Variants in GRIK2 observed in about 807,000 individuals in gnomAD.
GRIK2 encodes glutamate ionotropic receptor kainate type subunit 2, also known as glutamate receptor ionotropic, kainate 2.
A neutral mutation model predicts 100.3 loss-of-function variants in GRIK2; 32 were observed. The ratio of observed to expected loss-of-function variants is 0.32; its 90% CI spans 0.24 to 0.43. The LOEUF is 0.43. Among genes scored for constraint, GRIK2 ranks in the 20% least tolerant of loss-of-function variants. The probability of loss-of-function intolerance (pLI) is 1.00; values close to 1 mark genes in which losing one functional copy is unlikely to be tolerated. For synonymous variants in GRIK2, 417 were observed against 389.4 expected, an observed-to-expected ratio of 1.07 and a Z score of -0.83; for missense variants, 843 against 1,114.9, an observed-to-expected ratio of 0.76 and a Z score of 3.47.
At chr6:101,853,295 A>G (rs1174191066) in intron 10 of GRIK2, among the ~76,000 whole-genome samples, 1 of 152,228 alleles carries the variant, frequency 6.6e-6, no homozygotes, top group Non-Finnish European at 1.5e-5. Flanking sequence ...ATGTCAAATG[A>G]AAATAGTCCC....
chr6:101,593,666 A>G (rs901944075), intron 2 of GRIK2, among the ~76,000 whole-genome samples: 4 of 151,886 alleles, frequency 2.6e-5, no homozygotes, highest in African/African-American at 7.2e-5. Flanking sequence ...TTGAGGCAAT[A>G]CAAACTCATA....
At chr6:101,833,595 A>C (rs1782847601) in intron 10 of GRIK2, among the ~76,000 whole-genome samples, 1 of 152,154 alleles carries the variant, frequency 6.6e-6, no homozygotes, top group Admixed American at 6.5e-5. Context: ...TTTTCAATAA[A>C]TTATTTTTCA....
intron 2 of GRIK2, among the ~76,000 whole-genome samples, chr6:101,455,848 G>A (rs1322588946): frequency 2.0e-5 from 3 of 152,102 alleles, no homozygotes; most frequent in African/African-American, 7.2e-5. Context: ...TTTTATGGCT[G>A]AATGGGATCT....
chr6:101,453,061 T>G (rs1177516256), intron 2 of GRIK2, among the ~76,000 whole-genome samples: 1 of 151,924 alleles, frequency 6.6e-6, no homozygotes, highest in African/African-American at 2.4e-5. Context: ...AATGATGTAT[T>G]GACTCTCTAC....
chr6:101,950,296 A>G (rs920468358), intron 14 of GRIK2, among the ~76,000 whole-genome samples: 5 of 152,198 alleles, frequency 3.3e-5, no homozygotes, highest in African/African-American at 9.6e-5. Flanking sequence ...ACCAATTTTT[A>G]TAGCTTTATG....
At chr6:102,032,940 T>C (rs991016156) in intron 14 of GRIK2, among the ~76,000 whole-genome samples, 3 of 151,240 alleles carry the variant, frequency 2.0e-5, no homozygotes, top group South Asian at 2.1e-4. Flanking sequence ...AGAAAATCCA[T>C]GAAATGTATA....
At chr6:101,896,015 A>T (rs1201698927) in intron 12 of GRIK2, among the ~76,000 whole-genome samples, 1 of 151,780 alleles carries the variant, frequency 6.6e-6, no homozygotes, top group African/African-American at 2.4e-5. Flanking sequence ...TGTGGATTAA[A>T]ATATTTCCAT....
intron 2 of GRIK2, among the ~76,000 whole-genome samples, chr6:101,615,476 A>T (rs1405587685): frequency 6.6e-6 from 1 of 151,746 alleles, no homozygotes; most frequent in East Asian, 1.9e-4. Flanking sequence ...TAAGTCTAGA[A>T]AGAGCACAAA....
chr6:101,621,870 ACTT>A, intron 2 of GRIK2, 76 bp from the exon 3 acceptor site: 2 of 970,502 alleles, frequency 2.1e-6, no homozygotes, highest in Non-Finnish European at 3.2e-6. Context: ...AGTACAGAAA[ACTT>A]CTGATATTTT....
chr6:101,885,220 A>G (rs1786531796), intron 11 of GRIK2, among the ~76,000 whole-genome samples: 1 of 152,274 alleles, frequency 6.6e-6, no homozygotes, highest in African/African-American at 2.4e-5. Context: ...TTTATAAATT[A>G]TATACAAATT....
chr6:101,509,393 G>C (rs1774190741), intron 2 of GRIK2, among the ~76,000 whole-genome samples: 1 of 152,130 alleles, frequency 6.6e-6, no homozygotes, highest in African/African-American at 2.4e-5. Flanking sequence ...CATTGTGTGT[G>C]CTGAGTTACT....
At chr6:101,850,512 C>T (rs1163435376) in intron 10 of GRIK2, among the ~76,000 whole-genome samples, 2 of 151,834 alleles carry the variant, frequency 1.3e-5, no homozygotes, top group Non-Finnish European at 2.9e-5. Context: ...TAATTGAGCC[C>T]TAGATAAGAG....
At chr6:101,602,594 T>C (rs1779273268) in intron 2 of GRIK2, among the ~76,000 whole-genome samples, 2 of 151,528 alleles carry the variant, frequency 1.3e-5, no homozygotes, top group Admixed American at 6.6e-5. Flanking sequence ...TTATTGATTA[T>C]ACAGTGTATC....
chr6:101,482,978 C>T (rs1036111761), intron 2 of GRIK2, among the ~76,000 whole-genome samples: 12 of 152,076 alleles, frequency 7.9e-5, no homozygotes, highest in Non-Finnish European at 1.3e-4. Flanking sequence ...TATTAATAAA[C>T]AATTATTTAC....
rs1781767158 is a variant in GRIK2 at position 101,818,458 on chromosome 6, G to A, written c.1292G>A (p.Arg431His). The part of the protein sequence containing the change: ...PANITDSLSN[R>H]SLIVTTILEE... ...AACATCACAGATTCCTTATCCAATC[G>A]TTCTTTGATTGTTACCACCATTTTG... The change falls in exon 10 of 17, where the codon CGT becomes CAT. Residue 431 changes from arginine (R) to histidine (H), a missense_variant. Coordinates refer to ENST00000369134, the MANE Select transcript of GRIK2 (RefSeq NM_021956.5). The A allele has an allele frequency of 1.9e-6, 3 of 1,601,308 alleles. No homozygotes were observed. Among genetic ancestry groups the A allele is most frequent in the African/African-American group, 2.7e-5 (2 of 74,602 alleles).
intron 14 of GRIK2, among the ~76,000 whole-genome samples, chr6:101,939,470 C>T (rs1364112750): frequency 6.6e-6 from 1 of 152,040 alleles, no homozygotes; most frequent in African/African-American, 2.4e-5. Context: ...TTTGCAAATA[C>T]AGGTTACCTA....
At chr6:101,908,668 GCTGT>G (rs1401965483) in intron 12 of GRIK2, among the ~76,000 whole-genome samples, 1 of 151,280 alleles carries the variant, frequency 6.6e-6, no homozygotes, top group Non-Finnish European at 1.5e-5. Flanking sequence ...TATTAAACTT[GCTGT>G]CTTTCAATTA....
intron 2 of GRIK2, among the ~76,000 whole-genome samples, chr6:101,589,548 G>A (rs1447547204): frequency 1.3e-5 from 2 of 152,012 alleles, no homozygotes; most frequent in African/African-American, 2.4e-5. Flanking sequence ...GGGGGATCAC[G>A]TCATATTTAT....
At chr6:101,621,482 G>GA (rs1266450649) in intron 2 of GRIK2, among the ~76,000 whole-genome samples, 1 of 151,926 alleles carries the variant, frequency 6.6e-6, no homozygotes, top group Non-Finnish European at 1.5e-5. Context: ...AAAGAATTTT[G>GA]ATTTCTGAAT....
Sources: gnomAD v4.1 joint callset for allele counts (sites outside exome capture counted in the v4.1 genomes callset) on GRCh38, gnomAD v4.1.1 for gene constraint, MANE v1.5 for transcripts, NCBI Gene and HGNC (gene_info 2026-07-23, HGNC 2026-07-21) for gene names.